Variants in SYT14 observed in about 807,000 individuals in gnomAD.
The protein encoded by SYT14 is synaptotagmin 14, also known as synaptotagmin-14.
SYT14 carries 32 observed loss-of-function variants against 74.2 expected under a neutral mutation model. The ratio of observed to expected loss-of-function variants is 0.43; its 90% CI spans 0.33 to 0.58. The LOEUF is 0.58. SYT14 is among the 20% of genes least tolerant of loss of function. The probability of loss-of-function intolerance (pLI) is 0.05; values close to 1 mark genes in which losing one functional copy is unlikely to be tolerated. For synonymous variants in SYT14, 298 were observed against 337.7 expected (o/e 0.88, Z 1.29); for missense variants, 791 against 981.8 (o/e 0.81, Z 2.60).
At chr1:210,102,419 C>T (rs953481814) in intron 7 of SYT14, among the ~76,000 whole-genome samples, 5 of 152,104 alleles carry the variant, frequency 3.3e-5, no homozygotes, top group Admixed American at 2.0e-4. Flanking sequence ...CCTTCTTTCT[C>T]CACCTTCTCA....
In SYT14 at chr1:210,021,267, G is replaced by C; in HGVS notation, c.1312+13G>C. 1.2e-6 allele frequency: 2 copies of C among 1,609,732 alleles called. No individual in the cohort carries two copies. The highest frequency in any genetic ancestry group is 1.7e-6 in the Non-Finnish European group (2 of 1,176,330). ...TCAATAGATGAAGGTAAGATGGGCT[G>C]TTTTATTTTTTTTACATGACACACT... On this transcript the variant is annotated intron_variant, in intron 5 of 9. Transcript: ENST00000637265.
At chr1:210,040,723 A>G (rs1298056490) in intron 5 of SYT14, among the ~76,000 whole-genome samples, 1 of 152,172 alleles carries the variant, frequency 6.6e-6, no homozygotes, top group African/African-American at 2.4e-5. Flanking sequence ...ACTGGTTCCT[A>G]AAGTCATTTA....
chr1:209,977,478 T>A (rs1416867611), intron 2 of SYT14, among the ~76,000 whole-genome samples: 3 of 152,208 alleles, frequency 2.0e-5, no homozygotes, highest in Admixed American at 1.3e-4. Context: ...TTAATTTGGC[T>A]GGATATGAAA....
At chr1:210,159,426 C>T in exon 9 of SYT14, 1 of 1,551,424 alleles carries the variant, frequency 6.4e-7, no homozygotes. Flanking sequence ...GTCAGATGGA[C>T]TGTTCTGTTG....
At chr1:210,081,494 A>G (rs1456786858) in intron 5 of SYT14, among the ~76,000 whole-genome samples, 1 of 152,224 alleles carries the variant, frequency 6.6e-6, no homozygotes, top group Non-Finnish European at 1.5e-5. Context: ...AGTGTGTACT[A>G]GTATTATGCC....
intron 2 of SYT14, among the ~76,000 whole-genome samples, chr1:209,985,358 A>G (rs2079553159): frequency 6.6e-6 from 1 of 152,242 alleles, no homozygotes; most frequent in African/African-American, 2.4e-5. Context: ...TTAAATCTTA[A>G]AAGTTCCAAA....
chr1:210,045,333 TATATG>T (rs1368517286), intron 5 of SYT14, among the ~76,000 whole-genome samples: 1 of 152,186 alleles, frequency 6.6e-6, no homozygotes, highest in Non-Finnish European at 1.5e-5. Flanking sequence ...GTGTAAAAAA[TATATG>T]AGATGCTTTG....
intron 2 of SYT14, among the ~76,000 whole-genome samples, chr1:209,977,960 C>A (rs2102783640): frequency 6.6e-6 from 1 of 152,240 alleles, no homozygotes; most frequent in Middle Eastern, 3.4e-3. Flanking sequence ...TTCACTTGAT[C>A]TTCCATCACT....
intron 7 of SYT14, among the ~76,000 whole-genome samples, chr1:210,144,167 T>C (rs1007652809): frequency 6.6e-6 from 1 of 152,196 alleles, no homozygotes; most frequent in African/African-American, 2.4e-5. Context: ...GTTTTAATTA[T>C]ACATTTTAGA....
intron 5 of SYT14, among the ~76,000 whole-genome samples, chr1:210,086,015 T>C (rs555328936): frequency 2.0e-5 from 3 of 152,330 alleles, no homozygotes; most frequent in East Asian, 3.9e-4. Context: ...CCTGGAATTT[T>C]CTTTATTGGG....
intron 7 of SYT14, among the ~76,000 whole-genome samples, chr1:210,124,532 G>A (rs1355268048): frequency 6.6e-6 from 1 of 152,072 alleles, no homozygotes; most frequent in African/African-American, 2.4e-5. Context: ...AACACCAGGG[G>A]TAAAAGAAAA....
chr1:209,971,529 A>G (rs1035327812), intron 2 of SYT14, among the ~76,000 whole-genome samples: 4 of 152,038 alleles, frequency 2.6e-5, no homozygotes, highest in Non-Finnish European at 5.9e-5. Context: ...TTTGTCATAG[A>G]TGGGTCTTAT....
intron 1 of SYT14, among the ~76,000 whole-genome samples, chr1:209,942,451 C>G (rs1452614660): frequency 6.8e-6 from 1 of 146,276 alleles, no homozygotes; most frequent in East Asian, 2.0e-4. Flanking sequence ...GGACAACAAC[C>G]TTGCATTATA....
intron 2 of SYT14, among the ~76,000 whole-genome samples, chr1:209,972,186 AG>A: frequency 6.6e-6 from 1 of 151,922 alleles, no homozygotes; most frequent in Non-Finnish European, 1.5e-5. Flanking sequence ...AGATATTCGT[AG>A]TAGTCTCTGA....
At chr1:210,035,128 G>A (rs1031178721) in intron 5 of SYT14, among the ~76,000 whole-genome samples, 2 of 151,450 alleles carry the variant, frequency 1.3e-5, no homozygotes, top group African/African-American at 2.4e-5. Flanking sequence ...CCACATCCTC[G>A]CCAACATGTT....
intron 6 of SYT14, 86 bp downstream of exon 5, chr1:210,094,679 A>G (rs2102527196): frequency 7.0e-7 from 1 of 1,431,722 alleles, no homozygotes; most frequent in South Asian, 1.2e-5. Context: ...AGAAGAATTG[A>G]TTTTATCACT....
chr1:210,025,444 C>T (rs1459002221), intron 5 of SYT14, among the ~76,000 whole-genome samples: 1 of 152,126 alleles, frequency 6.6e-6, no homozygotes, highest in East Asian at 1.9e-4. Context: ...TGTGAGTTAA[C>T]TAAAGGGAAT....
chr1:209,975,098 TAAG>T (rs756647359), intron 2 of SYT14, among the ~76,000 whole-genome samples: 1 of 152,212 alleles, frequency 6.6e-6, no homozygotes. Flanking sequence ...CCTATCGGCT[TAAG>T]GAGATTTTGG....
intron 7 of SYT14, among the ~76,000 whole-genome samples, chr1:210,122,699 C>G (rs1032978880): frequency 2.6e-5 from 4 of 151,958 alleles, no homozygotes; most frequent in African/African-American, 9.7e-5. Context: ...TTCAGTTTGC[C>G]TCCTGTAGTT....
Sources: allele counts gnomAD v4.1 joint callset (sites outside exome capture counted in the v4.1 genomes callset), GRCh38; gene constraint gnomAD v4.1.1; transcripts MANE v1.5; gene names NCBI Gene and HGNC (gene_info 2026-07-23, HGNC 2026-07-21).